PTPRD: variants seen among roughly 807,000 people sequenced by gnomAD.
PTPRD encodes receptor-type tyrosine-protein phosphatase delta.
In PTPRD, 34 loss-of-function variants were observed where a neutral mutation model predicts 214.5. The ratio of observed to expected loss-of-function variants is 0.16; its 90% CI spans 0.12 to 0.21. The LOEUF (loss-of-function observed/expected upper bound fraction) is 0.21. Ranked by LOEUF, PTPRD falls within the 10% of genes least tolerant of loss-of-function variation. PTPRD has a pLI of 1.00. For missense variants in PTPRD, 2,545 were observed against 2,398.7 expected (o/e 1.06, Z -1.27); for synonymous variants, 1,128 against 845.7 (o/e 1.33, Z -5.79).
chr9:8,557,494 G>C (rs200281547), intron 14 of PTPRD, among the ~76,000 whole-genome samples: 9 of 145,188 alleles, frequency 6.2e-5, no homozygotes, highest in East Asian at 2.0e-4. Context: ...CGTAATCCCA[G>C]CACTTTCGGA....
At position 8,439,935 on chromosome 9, in the gene PTPRD, A is replaced by ATTTTTTTTTTTTTTTTT. The variant is rs1166530719; in HGVS notation, c.3989-3263_3989-3247dup. Reference sequence around the variant, plus strand: ...CATTTAAATTACTTGATGTGCTTTAATTTTTTTTTTTTTTTTTTTTTTTTT... The same window carrying ATTTTTTTTTTTTTTTTT: ...CATTTAAATTACTTGATGTGCTTTAATTTTTTTTTTTTTTTTTTTTTTTTTTTTTTTTTTTTTTTTTT... On this transcript the variant is annotated intron_variant, in intron 34 of 45. Transcript: ENST00000381196. Among the ~76,000 whole-genome samples the ATTTTTTTTTTTTTTTTT allele has an allele frequency of 1.5e-3, 108 of 73,312 alleles. 7 individuals carry two copies. The highest frequency in any genetic ancestry group is 2.3e-3 in the Non-Finnish European group (94 of 40,504). 48.1% of individuals were successfully genotyped at this position (73,312 alleles called of 152,430 possible). A position where few individuals can be genotyped will look rare whatever the true frequency, so the allele number is the denominator to read the frequency against.
chr9:9,999,374 G>A (rs1019619662), intron 4 of PTPRD, among the ~76,000 whole-genome samples: 6 of 152,176 alleles, frequency 3.9e-5, no homozygotes, highest in Non-Finnish European at 5.9e-5. Flanking sequence ...GGGAAGGGCT[G>A]CTCATCTTAC....
intron 37 of PTPRD, among the ~76,000 whole-genome samples, chr9:8,384,395 A>G (rs1268453725): frequency 6.6e-6 from 1 of 152,162 alleles, no homozygotes; most frequent in African/African-American, 2.4e-5. Flanking sequence ...GGCAATAAAG[A>G]TGGAAACTAG....
intron 10 of PTPRD, among the ~76,000 whole-genome samples, chr9:9,034,739 C>T (rs985790280): frequency 7.2e-5 from 11 of 152,108 alleles, no homozygotes; most frequent in African/African-American, 2.7e-4. Flanking sequence ...TATCCATCTG[C>T]CCAGACTCAT....
intron 9 of PTPRD, among the ~76,000 whole-genome samples, chr9:9,377,857 C>A (rs2061207616): frequency 6.7e-6 from 1 of 149,238 alleles, no homozygotes; most frequent in African/African-American, 2.4e-5. Context: ...AATATTTTAA[C>A]TCTCAAGAAG....
chr9:9,377,065 G>A (rs2060983841), intron 9 of PTPRD, among the ~76,000 whole-genome samples: 1 of 152,056 alleles, frequency 6.6e-6, no homozygotes, highest in Non-Finnish European at 1.5e-5. Context: ...CTGGAGAATT[G>A]ATGTTGGCTA....
intron 10 of PTPRD, among the ~76,000 whole-genome samples, chr9:9,116,000 A>T (rs975366024): frequency 2.8e-4 from 42 of 152,294 alleles, no homozygotes; most frequent in Admixed American, 1.5e-3. Context: ...GTTGTCACTT[A>T]TAAGTGAGCT....
intron 3 of PTPRD, among the ~76,000 whole-genome samples, chr9:10,327,741 C>G (rs2096670694): frequency 1.3e-5 from 2 of 151,482 alleles, no homozygotes; most frequent in Admixed American, 1.3e-4. Context: ...GAAGAAAGTA[C>G]AAAAAAGTGA....
At chr9:8,792,049 C>G (rs1216676106) in intron 11 of PTPRD, among the ~76,000 whole-genome samples, 1 of 152,006 alleles carries the variant, frequency 6.6e-6, no homozygotes, top group African/African-American at 2.4e-5. Context: ...ACAATCATTT[C>G]TTAAGGGCGG....
At position 8,912,373 on chromosome 9, in the gene PTPRD, A is replaced by G. The variant is rs373611662; in HGVS notation, c.-104+106324T>C. Among the ~76,000 whole-genome samples, 14 of 152,314 alleles carry G rather than the reference A, an allele frequency of 9.2e-5. No homozygotes were observed. In the East Asian group the frequency reaches 1.9e-3, roughly 21 times the overall value. The stretch of plus-strand genomic sequence containing the variant: ...CCTAAAACATGGATGAACTTCAGAA[A>G]CATGAGAAGTGAAAGAAGTCAGACA... On this transcript the variant is annotated intron_variant, in intron 11 of 45. Transcript: ENST00000381196.
intron 7 of PTPRD, among the ~76,000 whole-genome samples, chr9:9,726,677 A>G (rs1041162989): frequency 9.2e-5 from 14 of 152,204 alleles, no homozygotes; most frequent in Non-Finnish European, 1.8e-4. Flanking sequence ...ATAATATGTG[A>G]AAAGACATTT....
intron 9 of PTPRD, among the ~76,000 whole-genome samples, chr9:9,205,708 T>A (rs1448569960): frequency 6.6e-6 from 1 of 152,174 alleles, no homozygotes; most frequent in Non-Finnish European, 1.5e-5. Flanking sequence ...GCCAAGTCAA[T>A]ACAGTATAAC....
intron 8 of PTPRD, among the ~76,000 whole-genome samples, chr9:9,567,919 T>C (rs776384686): frequency 1.3e-5 from 2 of 151,962 alleles, no homozygotes; most frequent in Non-Finnish European, 2.9e-5. Flanking sequence ...AATCTTAATC[T>C]TTTATGGCAT....
intron 44 of PTPRD, among the ~76,000 whole-genome samples, chr9:8,330,162 G>C (rs1838551822): frequency 6.6e-6 from 1 of 152,058 alleles, no homozygotes; most frequent in Admixed American, 6.5e-5. Flanking sequence ...TCCTGGGTGA[G>C]GCAACGCCAC....
At chr9:10,275,863 T>C (rs2094655618) in intron 3 of PTPRD, among the ~76,000 whole-genome samples, 1 of 152,080 alleles carries the variant, frequency 6.6e-6, no homozygotes, top group Admixed American at 6.6e-5. Flanking sequence ...CTGAGGGACA[T>C]GAAATGAAAG....
intron 4 of PTPRD, among the ~76,000 whole-genome samples, chr9:9,965,727 T>C (rs548591477): frequency 6.6e-6 from 1 of 152,224 alleles, no homozygotes; most frequent in Non-Finnish European, 1.5e-5. Context: ...GTAAGTGTTG[T>C]AAGCCCCTCC....
At chr9:9,282,840 C>G (rs889568743) in intron 9 of PTPRD, among the ~76,000 whole-genome samples, 3 of 151,440 alleles carry the variant, frequency 2.0e-5, no homozygotes, top group African/African-American at 7.3e-5. Flanking sequence ...CATACAAATT[C>G]AAGCAAGGTG....
At chr9:10,546,763 T>C (rs146826533) in intron 2 of PTPRD, among the ~76,000 whole-genome samples, 1 of 152,086 alleles carries the variant, frequency 6.6e-6, no homozygotes, top group Non-Finnish European at 1.5e-5. Context: ...AAAGTATAGT[T>C]TGCAAGAGGT....
intron 2 of PTPRD, among the ~76,000 whole-genome samples, chr9:10,546,053 G>A (rs1383331215): frequency 6.6e-6 from 1 of 151,962 alleles, no homozygotes; most frequent in East Asian, 1.9e-4. Flanking sequence ...TCTTATTCAG[G>A]AAAGGGACAC....
Sources: allele counts gnomAD v4.1 joint callset (sites outside exome capture counted in the v4.1 genomes callset), GRCh38; gene constraint gnomAD v4.1.1; transcripts MANE v1.5; gene names NCBI Gene and HGNC (gene_info 2026-07-23, HGNC 2026-07-21).